Variants in LUZP2 observed in about 807,000 individuals in gnomAD.
LUZP2 encodes the protein leucine zipper protein 2.
LUZP2 carries 52 observed loss-of-function variants against 51.6 expected under a neutral mutation model. That is an observed-to-expected ratio of 1.01 (90% CI 0.81 to 1.27). The LOEUF is 1.27. Among genes scored for constraint, LUZP2 ranks in the 50% most tolerant of loss-of-function variants. The pLI, the probability that LUZP2 is intolerant of heterozygous loss-of-function variation, is 0.00. For missense variants in LUZP2, 436 were observed against 395.4 expected (o/e 1.10, Z -0.87); for synonymous variants, 154 against 137.3 (o/e 1.12, Z -0.85).
chr11:24,873,051 T>G (rs1189078359), intron 5 of LUZP2, among the ~76,000 whole-genome samples: 1 of 152,192 alleles, frequency 6.6e-6, no homozygotes, highest in East Asian at 1.9e-4. Context: ...TAATCAGCAA[T>G]GTACAGTGCA....
intron 1 of LUZP2, among the ~76,000 whole-genome samples, chr11:24,585,669 C>T (rs1337847809): frequency 1.3e-5 from 2 of 151,950 alleles, no homozygotes; most frequent in Non-Finnish European, 2.9e-5. Flanking sequence ...GCTGGGTCTG[C>T]TGAAGAAAAA....
chr11:24,989,997 C>G (rs1278845173), intron 9 of LUZP2, among the ~76,000 whole-genome samples: 1 of 152,056 alleles, frequency 6.6e-6, no homozygotes, highest in Non-Finnish European at 1.5e-5. Context: ...CCATTTAATC[C>G]TACTTTTAGG....
chr11:24,856,812 C>T (rs868284350), intron 5 of LUZP2, among the ~76,000 whole-genome samples: 2 of 151,928 alleles, frequency 1.3e-5, no homozygotes, highest in Admixed American at 6.6e-5. Context: ...GAACTAGAGG[C>T]CATTATCTTA....
At chr11:25,067,054 C>G (rs1278296787) in intron 10 of LUZP2, among the ~76,000 whole-genome samples, 1 of 151,906 alleles carries the variant, frequency 6.6e-6, no homozygotes, top group African/African-American at 2.4e-5. Context: ...GGTTTATTAT[C>G]CCTTGGGTTG....
At chr11:24,792,714 C>A (rs1418918961) in intron 5 of LUZP2, among the ~76,000 whole-genome samples, 2 of 152,094 alleles carry the variant, frequency 1.3e-5, no homozygotes, top group African/African-American at 4.8e-5. Flanking sequence ...AAACAAAAAT[C>A]TTCTTTTATG....
At chr11:24,738,331 G>T in intron 4 of LUZP2, 29 bp downstream of exon 4, 1 of 1,521,250 alleles carries the variant, frequency 6.6e-7, no homozygotes, top group Non-Finnish European at 9.1e-7. Flanking sequence ...TGTGCCTTTT[G>T]CTTTTGGGCT....
chr11:24,554,795 A>G (rs1851818609), intron 1 of LUZP2, among the ~76,000 whole-genome samples: 1 of 149,970 alleles, frequency 6.7e-6, no homozygotes, highest in Non-Finnish European at 1.5e-5. Context: ...AGTTATCCCT[A>G]AAGTTTATTT....
intron 1 of LUZP2, among the ~76,000 whole-genome samples, chr11:24,606,571 T>A (rs916120983): frequency 6.6e-6 from 1 of 151,996 alleles, no homozygotes; most frequent in Non-Finnish European, 1.5e-5. Flanking sequence ...TGTTTTCATA[T>A]CTTGGCTATT....
At chr11:24,952,696 C>T (rs1055895240) in intron 7 of LUZP2, among the ~76,000 whole-genome samples, 1 of 151,834 alleles carries the variant, frequency 6.6e-6, no homozygotes, top group African/African-American at 2.4e-5. Flanking sequence ...TTTGACTTGG[C>T]AGACTTTTGT....
chr11:24,723,770 G>T (rs747181805), intron 1 of LUZP2, among the ~76,000 whole-genome samples: 1 of 152,056 alleles, frequency 6.6e-6, no homozygotes, highest in Non-Finnish European at 1.5e-5. Flanking sequence ...GTTCGAGGCT[G>T]CAGTGAGCTA....
chr11:24,582,764 T>G (rs558582513), intron 1 of LUZP2, among the ~76,000 whole-genome samples: 5 of 151,184 alleles, frequency 3.3e-5, no homozygotes, highest in Non-Finnish European at 5.9e-5. Context: ...TTTGTTTTTG[T>G]TTTTTTTGAC....
chr11:24,962,916 A>C (rs1438012106), intron 7 of LUZP2, among the ~76,000 whole-genome samples: 3 of 151,934 alleles, frequency 2.0e-5, no homozygotes, highest in Non-Finnish European at 2.9e-5. Flanking sequence ...GTCTTTGATG[A>C]TGGTGATGTA....
chr11:24,936,103 T>C (rs900398305), intron 7 of LUZP2, among the ~76,000 whole-genome samples: 2 of 152,140 alleles, frequency 1.3e-5, no homozygotes, highest in Non-Finnish European at 2.9e-5. Context: ...GACATTTACC[T>C]TTTACGATAT....
chr11:24,918,496 T>C (rs1268699195), intron 7 of LUZP2, among the ~76,000 whole-genome samples: 62 of 152,060 alleles, frequency 4.1e-4, no homozygotes, highest in Non-Finnish European at 1.5e-5. Flanking sequence ...AAAAGGCCTT[T>C]GACAAAATTC....
rs561253553 is a variant in LUZP2, at chr11:24,539,419, C to A, written c.62+42114C>A. Among the ~76,000 whole-genome samples the A allele has an allele frequency of 8.6e-5, 13 of 151,950 alleles. No individual in the cohort carries two copies. In the East Asian group the frequency reaches 2.5e-3, roughly 29 times the overall value. On this transcript the variant is annotated intron_variant, in intron 1 of 11. Coordinates refer to ENST00000336930, the MANE Select transcript of LUZP2 (RefSeq NM_001009909.4). Reference sequence around the variant, plus strand: ...TTTGATAATAAATTATATGGTAATGCTAATTATAATAACTAAAATCCACAT... The same window carrying A: ...TTTGATAATAAATTATATGGTAATGATAATTATAATAACTAAAATCCACAT...
At chr11:25,044,737 C>A (rs911295957) in intron 9 of LUZP2, among the ~76,000 whole-genome samples, 2 of 151,786 alleles carry the variant, frequency 1.3e-5, no homozygotes, top group Non-Finnish European at 2.9e-5. Context: ...ATAAAACATG[C>A]TGCTGTAAAG....
At chr11:24,894,510 C>T (rs1402844526) in intron 5 of LUZP2, among the ~76,000 whole-genome samples, 1 of 151,654 alleles carries the variant, frequency 6.6e-6, no homozygotes, top group Non-Finnish European at 1.5e-5. Flanking sequence ...TTAAAGGGTA[C>T]TTGTACAGAT....
intron 5 of LUZP2, among the ~76,000 whole-genome samples, chr11:24,814,606 A>G (rs753213950): frequency 5.3e-5 from 8 of 152,180 alleles, no homozygotes; most frequent in Non-Finnish European, 1.0e-4. Context: ...CCACACAGCT[A>G]AAGTTCCAGA....
At chr11:24,606,250 A>C (rs1327483435) in intron 1 of LUZP2, among the ~76,000 whole-genome samples, 2 of 151,970 alleles carry the variant, frequency 1.3e-5, no homozygotes, top group Admixed American at 6.6e-5. Context: ...CTGCAAAAGC[A>C]ATGCACATTC....
Sources: gnomAD v4.1 joint callset for allele counts (sites outside exome capture counted in the v4.1 genomes callset) on GRCh38, gnomAD v4.1.1 for gene constraint, MANE v1.5 for transcripts, NCBI Gene and HGNC (gene_info 2026-07-23, HGNC 2026-07-21) for gene names.